PALS2: variants seen among roughly 807,000 people sequenced by gnomAD.
The protein encoded by PALS2 is protein associated with LIN7 2, MAGUK p55 family member.
PALS2 carries 27 observed loss-of-function variants against 61.6 expected under a neutral mutation model. The observed-to-expected ratio is 0.44, with a 90% CI of 0.32 to 0.60. PALS2 has a LOEUF of 0.60. Ranked by LOEUF, PALS2 falls within the 20% of genes least tolerant of loss-of-function variation. The pLI, the probability that PALS2 is intolerant of heterozygous loss-of-function variation, is 0.05. For synonymous variants in PALS2, 236 were observed against 218.6 expected (o/e 1.08, Z -0.70); for missense variants, 554 against 639.4 (o/e 0.87, Z 1.44).
intron 1 of PALS2, among the ~76,000 whole-genome samples, chr7:24,597,348 G>A (rs997253873): frequency 1.3e-5 from 2 of 152,302 alleles, no homozygotes; most frequent in Non-Finnish European, 2.9e-5. Context: ...GTATGTGACT[G>A]GTTTGTCAGT....
rs747057386 is a variant in PALS2 at position 24,636,707 on chromosome 7, TTTTC to T, written c.118-5003_118-5000del. Among the ~76,000 whole-genome samples, 293 of 152,292 alleles carry T rather than the reference TTTTC, an allele frequency of 1.9e-3. 1 individual carries two copies. The highest frequency in any genetic ancestry group is 3.2e-3 in the Non-Finnish European group (217 of 68,002). On this transcript the variant is annotated intron_variant, in intron 2 of 11. Coordinates refer to ENST00000222644, the MANE Select transcript of PALS2 (RefSeq NM_001303037.2). The stretch of plus-strand genomic sequence containing the variant: ...AATTTTTAAAGATAGGTTCCTAAAT[TTTTC>T]TTTCTGTGAATTTCTTTGCTGAAAC...
chr7:24,604,794 T>A (rs1462616075), intron 1 of PALS2, among the ~76,000 whole-genome samples: 2 of 152,094 alleles, frequency 1.3e-5, no homozygotes, highest in Non-Finnish European at 2.9e-5. Context: ...AGACTCCACC[T>A]CCAAATACCA....
In PALS2 at chr7:24,600,836, A is replaced by G. The variant is rs117833503; in HGVS notation, c.-2-22830A>G. ...CCAGGTTTCTGTCCTCAAGCGAAAA[A>G]ATCTTGCCTGTTTTTAACTCTAGAA... On this transcript the variant is annotated intron_variant, in intron 1 of 11. Transcript: ENST00000222644. Among the ~76,000 whole-genome samples, 467 of 152,260 alleles carry G rather than the reference A, an allele frequency of 3.1e-3. 7 individuals are homozygous for G. The East Asian group carries it at 0.033, about 11-fold the overall frequency.
At chr7:24,638,391 C>T (rs1380648520) in intron 2 of PALS2, among the ~76,000 whole-genome samples, 2 of 30,212 alleles carry the variant, frequency 6.6e-5, no homozygotes, top group Non-Finnish European at 4.4e-5. Context: ...AGTGCAGTGG[C>T]GGGATCTCGG....
At chr7:24,606,042 T>C (rs1031513674) in intron 1 of PALS2, among the ~76,000 whole-genome samples, 50 of 152,292 alleles carry the variant, frequency 3.3e-4, no homozygotes, top group South Asian at 1.0e-3. Context: ...CCATGACTTA[T>C]ATGTTAGTTT....
chr7:24,654,458 A>G (rs76551658), intron 5 of PALS2, among the ~76,000 whole-genome samples: 5,959 of 152,298 alleles, frequency 0.039, 155 homozygotes, highest in Non-Finnish European at 0.058. Context: ...ACAAAACTCA[A>G]TTGCATTTCT....
intron 1 of PALS2, among the ~76,000 whole-genome samples, chr7:24,586,287 C>T (rs1036473440): frequency 1.3e-5 from 2 of 151,952 alleles, no homozygotes; most frequent in Non-Finnish European, 2.9e-5. Context: ...ACTGTAAGTT[C>T]TGAGAGAATT....
At chr7:24,623,912 A>C in intron 2 of PALS2, 128 bp downstream of exon 2, 1 of 952,484 alleles carries the variant, frequency 1.0e-6, no homozygotes, top group Non-Finnish European at 1.6e-6. Context: ...AAAAACATTC[A>C]GCACATAATG....
intron 1 of PALS2, among the ~76,000 whole-genome samples, chr7:24,579,182 C>T (rs943206444): frequency 6.6e-6 from 1 of 152,288 alleles, no homozygotes; most frequent in African/African-American, 2.4e-5. Context: ...TAAAGGTATT[C>T]AACCTCACAC....
chr7:24,644,381 A>G (rs989537632), intron 3 of PALS2, among the ~76,000 whole-genome samples: 2 of 152,084 alleles, frequency 1.3e-5, no homozygotes, highest in Non-Finnish European at 2.9e-5. Context: ...TTCCTGCGTT[A>G]GTTTGCTAAG....
chr7:24,677,220 T>G (rs180967694), intron 9 of PALS2, among the ~76,000 whole-genome samples: 2 of 152,302 alleles, frequency 1.3e-5, no homozygotes, highest in East Asian at 3.9e-4. Flanking sequence ...TGCATTGATT[T>G]TGTATCCTGA....
intron 1 of PALS2, among the ~76,000 whole-genome samples, chr7:24,604,582 G>A (rs968030896): frequency 1.3e-5 from 2 of 152,072 alleles, no homozygotes; most frequent in African/African-American, 4.8e-5. Flanking sequence ...AAGTAATAGT[G>A]GCCCCAAACC....
chr7:24,664,602 C>G (rs1786918110), intron 6 of PALS2, among the ~76,000 whole-genome samples: 1 of 152,096 alleles, frequency 6.6e-6, no homozygotes, highest in South Asian at 2.1e-4. Context: ...TAAGGAGAAA[C>G]AAATCACAGA....
At chr7:24,639,050 A>G (rs969417036) in intron 2 of PALS2, among the ~76,000 whole-genome samples, 4 of 152,224 alleles carry the variant, frequency 2.6e-5, no homozygotes, top group African/African-American at 9.6e-5. Context: ...ATAGAAGTAT[A>G]AAATAACTGT....
At chr7:24,600,312 A>G (rs75082201) in intron 1 of PALS2, among the ~76,000 whole-genome samples, 9,606 of 152,246 alleles carry the variant, frequency 0.063, 355 homozygotes, top group African/African-American at 0.093. Flanking sequence ...TTGTATATGT[A>G]GTCTTTGGTC....
At chr7:24,588,562 G>C (rs756746335) in intron 1 of PALS2, among the ~76,000 whole-genome samples, 4 of 152,040 alleles carry the variant, frequency 2.6e-5, no homozygotes, top group Admixed American at 6.5e-5. Context: ...TTCATATACT[G>C]TTTGAACCTC....
Position 24,692,560 on chromosome 7 carries a change from C to T in PALS2, c.*4946C>T, listed in dbSNP as rs1317911003. 6.6e-6 allele frequency: 1 copy of T among 152,138 alleles called. No homozygotes were observed. Among genetic ancestry groups the T allele is most frequent in the African/African-American group, 2.4e-5 (1 of 41,430 alleles). 9.4% of individuals were successfully genotyped at this position (152,138 alleles called of 1,614,324 possible). On this transcript the variant is annotated 3_prime_UTR_variant, in exon 12 of 12. Transcript: ENST00000222644. ...AATGTAGTGAATGGTGAATACTTTTCAGGAATTCTTCCAGTTTTAAAATAG... is the reference window on the plus strand; with the variant it reads ...AATGTAGTGAATGGTGAATACTTTTTAGGAATTCTTCCAGTTTTAAAATAG...
intron 9 of PALS2, among the ~76,000 whole-genome samples, chr7:24,676,657 C>G (rs1787611995): frequency 2.0e-5 from 3 of 151,704 alleles, no homozygotes; most frequent in South Asian, 2.1e-4. Context: ...GCTTGTTTTT[C>G]TCAGGTTTGT....
chr7:24,653,487 TG>T (rs1786264265), intron 5 of PALS2, among the ~76,000 whole-genome samples: 1 of 152,140 alleles, frequency 6.6e-6, no homozygotes, highest in African/African-American at 2.4e-5. Flanking sequence ...CTGGTCTGCC[TG>T]AGACCTCTAG....
Sources: allele counts gnomAD v4.1 joint callset (sites outside exome capture counted in the v4.1 genomes callset), GRCh38; gene constraint gnomAD v4.1.1; transcripts MANE v1.5; gene names NCBI Gene and HGNC (gene_info 2026-07-23, HGNC 2026-07-21).